Variants in CADM2 observed in about 807,000 individuals in gnomAD.
The protein encoded by CADM2 is immunoglobulin superfamily member 4D.
A neutral mutation model predicts 49.8 loss-of-function variants in CADM2; 12 were observed. The ratio of observed to expected loss-of-function variants is 0.24; its 90% CI spans 0.15 to 0.39. The LOEUF is 0.39. CADM2 is among the 10% of genes least tolerant of loss of function. CADM2 has a pLI of 1.00. For synonymous variants in CADM2, 214 were observed against 175.4 expected, an observed-to-expected ratio of 1.22 and a Z score of -1.74; for missense variants, 378 against 492.3, an observed-to-expected ratio of 0.77 and a Z score of 2.20.
At chr3:85,935,353 G>T (rs1721080210) in intron 6 of CADM2, among the ~76,000 whole-genome samples, 1 of 152,028 alleles carries the variant, frequency 6.6e-6, no homozygotes, top group Non-Finnish European at 1.5e-5. Context: ...CTTATTGTGA[G>T]TCCCTGGTAT....
At chr3:85,373,287 C>T (rs957353324) in intron 1 of CADM2, among the ~76,000 whole-genome samples, 7 of 152,240 alleles carry the variant, frequency 4.6e-5, no homozygotes, top group South Asian at 4.1e-4. Context: ...CCAAGGAAAT[C>T]GGAAATTTAG....
intron 1 of CADM2, among the ~76,000 whole-genome samples, chr3:85,121,151 G>T (rs1246294865): frequency 6.6e-6 from 1 of 152,114 alleles, no homozygotes; most frequent in Non-Finnish European, 1.5e-5. Flanking sequence ...CTGCCCTCAG[G>T]GTAATAAAGG....
chr3:85,155,266 C>CA (rs1346943495), intron 1 of CADM2, among the ~76,000 whole-genome samples: 2 of 146,202 alleles, frequency 1.4e-5, no homozygotes, highest in Non-Finnish European at 3.0e-5. Flanking sequence ...AAATGGAAAA[C>CA]AAAAAAAGGC....
intron 1 of CADM2, among the ~76,000 whole-genome samples, chr3:85,418,058 T>G (rs2035994085): frequency 6.6e-6 from 1 of 152,136 alleles, no homozygotes; most frequent in Non-Finnish European, 1.5e-5. Context: ...ATAAACATTA[T>G]TTGTTTTTTC....
At position 84,995,269 on chromosome 3, in the gene CADM2, G is replaced by A. The variant is rs143401019; in HGVS notation, c.61+35601G>A. ...ATAATTCAAAACTGATTCTAATGGAGGATGGCAGGTACATTTGTTAACCTG... is the reference window on the plus strand; with the variant it reads ...ATAATTCAAAACTGATTCTAATGGAAGATGGCAGGTACATTTGTTAACCTG... On this transcript the variant is annotated intron_variant, in intron 1 of 9. Coordinates refer to ENST00000383699, the MANE Select transcript of CADM2 (RefSeq NM_001167675.2). Among the ~76,000 whole-genome samples the A allele has an allele frequency of 5.5e-3, 842 of 152,238 alleles. 14 individuals carry two copies. Among genetic ancestry groups the A allele is most frequent in the African/African-American group, 0.019 (808 of 41,528 alleles).
At chr3:86,053,391 A>G (rs1737554732) in intron 8 of CADM2, among the ~76,000 whole-genome samples, 1 of 152,146 alleles carries the variant, frequency 6.6e-6, no homozygotes, top group South Asian at 2.1e-4. Flanking sequence ...ACTTTTGGTC[A>G]TTTTGGAAAA....
At chr3:85,828,582 A>G (rs1281593294) in intron 3 of CADM2, among the ~76,000 whole-genome samples, 2 of 151,942 alleles carry the variant, frequency 1.3e-5, no homozygotes, top group African/African-American at 2.4e-5. Flanking sequence ...ATGTCTATAT[A>G]TCGTTAAATG....
At chr3:85,074,686 T>C (rs1049770092) in intron 1 of CADM2, among the ~76,000 whole-genome samples, 9 of 152,128 alleles carry the variant, frequency 5.9e-5, no homozygotes, top group African/African-American at 2.2e-4. Flanking sequence ...AGAGGAATTA[T>C]TTCATGATAA....
chr3:85,127,975 A>G (rs2039094024), intron 1 of CADM2, among the ~76,000 whole-genome samples: 1 of 152,152 alleles, frequency 6.6e-6, no homozygotes, highest in South Asian at 2.1e-4. Flanking sequence ...ATGGAATTCA[A>G]ATTTAGTCCC....
At chr3:85,543,420 A>ATGTGTGTGGGGGTGTGTGTGTG (rs372108050) in intron 1 of CADM2, among the ~76,000 whole-genome samples, 5,512 of 129,522 alleles carry the variant, frequency 0.043, 217 homozygotes, top group East Asian at 0.1. Context: ...TGCCAAGCTA[A>ATGTGTGTGGGGGTGTGTGTGTG]TGTGTGTGTG....
intron 1 of CADM2, among the ~76,000 whole-genome samples, chr3:85,336,656 C>T (rs570569054): frequency 3.3e-5 from 5 of 150,684 alleles, no homozygotes; most frequent in African/African-American, 1.2e-4. Flanking sequence ...ATGTTTTGTT[C>T]AGCAAGTAAA....
intron 1 of CADM2, among the ~76,000 whole-genome samples, chr3:85,413,161 A>AAATAATAAT (rs1206383142): frequency 3.9e-4 from 42 of 108,514 alleles, no homozygotes; most frequent in African/African-American, 1.7e-3. Context: ...AAAAAAAAAA[A>AAATAATAAT]AATAATAATA....
rs189821456 is a variant in CADM2, at chr3:86,058,207, A to T, written c.971-7398A>T. On this transcript the variant is annotated intron_variant, in intron 8 of 9. Transcript: ENST00000383699. ...TATTAATATTTTCCCTAATCTTTCA[A>T]ATAGACACTTAGAATGGTTCACAGT... 7.2e-3 allele frequency among the ~76,000 whole-genome samples: 1,089 copies of T among 152,292 alleles called. 13 individuals are homozygous for T. The highest frequency in any genetic ancestry group is 9.1e-3 in the Non-Finnish European group (619 of 68,016).
chr3:86,066,357 A>AAAAAAAAAAAAAAAAAAAAAT (rs1559835498), intron 9 of CADM2, among the ~76,000 whole-genome samples: 1 of 150,294 alleles, frequency 6.7e-6, no homozygotes, highest in African/African-American at 2.5e-5. Context: ...AAAAAAAAAA[A>AAAAAAAAAAAAAAAAAAAAAT]AGATCTTAAC....
intron 1 of CADM2, among the ~76,000 whole-genome samples, chr3:85,683,877 C>G (rs184038005): frequency 1.2e-4 from 18 of 152,206 alleles, no homozygotes; most frequent in Admixed American, 1.2e-3. Flanking sequence ...GTCTTTTGAA[C>G]AAAGTAATCA....
At chr3:86,025,766 T>G (rs1447914934) in intron 8 of CADM2, among the ~76,000 whole-genome samples, 1 of 152,180 alleles carries the variant, frequency 6.6e-6, no homozygotes. Flanking sequence ...AAGTATTTGT[T>G]TATTCCTCTG....
intron 1 of CADM2, among the ~76,000 whole-genome samples, chr3:85,103,559 T>G (rs2038092910): frequency 6.6e-6 from 1 of 152,172 alleles, no homozygotes; most frequent in Non-Finnish European, 1.5e-5. Flanking sequence ...TTGCCAAATG[T>G]AATAATGGAG....
chr3:85,023,224 G>C (rs1017577650), intron 1 of CADM2, among the ~76,000 whole-genome samples: 14 of 152,188 alleles, frequency 9.2e-5, no homozygotes, highest in African/African-American at 3.4e-4. Flanking sequence ...TGTTGTTGGA[G>C]GGTTTTGTTG....
intron 2 of CADM2, among the ~76,000 whole-genome samples, chr3:85,773,455 C>T (rs879809675): frequency 1.3e-5 from 2 of 152,060 alleles, no homozygotes; most frequent in Non-Finnish European, 2.9e-5. Context: ...GTCACAAAAA[C>T]ATCTATATCC....
Sources: gnomAD v4.1 joint callset for allele counts (sites outside exome capture counted in the v4.1 genomes callset) on GRCh38, gnomAD v4.1.1 for gene constraint, MANE v1.5 for transcripts, NCBI Gene and HGNC (gene_info 2026-07-23, HGNC 2026-07-21) for gene names.